Variants in CDH2 observed in about 807,000 individuals in gnomAD.
The protein encoded by CDH2 is cadherin 2.
CDH2 carries 17 observed loss-of-function variants against 92.0 expected under a neutral mutation model. The ratio of observed to expected loss-of-function variants is 0.18; its 90% CI spans 0.13 to 0.28. The LOEUF (loss-of-function observed/expected upper bound fraction) is 0.28. Among genes scored for constraint, CDH2 ranks in the 10% least tolerant of loss-of-function variants. The probability of loss-of-function intolerance (pLI) is 1.00; values close to 1 mark genes in which losing one functional copy is unlikely to be tolerated. For missense variants in CDH2, 862 were observed against 1,133.1 expected (o/e 0.76, Z 3.44); for synonymous variants, 419 against 415.9 (o/e 1.01, Z -0.09).
intron 2 of CDH2, among the ~76,000 whole-genome samples, chr18:28,047,500 CAG>C (rs1385639733): frequency 6.6e-6 from 1 of 152,042 alleles, no homozygotes; most frequent in African/African-American, 2.4e-5. Flanking sequence ...CAGGAAAAAG[CAG>C]AGTGTTCATT....
intron 2 of CDH2, among the ~76,000 whole-genome samples, chr18:28,052,610 A>G (rs1358880060): frequency 6.6e-6 from 1 of 152,236 alleles, no homozygotes; most frequent in Non-Finnish European, 1.5e-5. Context: ...CATCACAAGT[A>G]TCAATATTGG....
intron 11 of CDH2, 59 bp from the exon 12 acceptor site, chr18:27,985,820 T>A: frequency 1.0e-6 from 1 of 984,272 alleles, no homozygotes; most frequent in Non-Finnish European, 1.5e-6. Flanking sequence ...GAGCCTCAAT[T>A]ATGGTGAAAT....
chr18:28,135,087 C>T (rs1017388067), intron 2 of CDH2, among the ~76,000 whole-genome samples: 2 of 152,134 alleles, frequency 1.3e-5, no homozygotes, highest in African/African-American at 2.4e-5. Flanking sequence ...ACTTCAGCTC[C>T]GTGGACTCAG....
In CDH2 at chr18:28,067,666, A is replaced by AT. The variant is rs1443310844; in HGVS notation, c.173-53758dup. 3.3e-5 allele frequency among the ~76,000 whole-genome samples: 5 copies of AT among 152,052 alleles called. No homozygotes were observed. The East Asian group carries it at 9.6e-4, about 29-fold the overall frequency. ...CATTTGGGTTGTTTCCAATTGATTC[A>AT]TTTTTTTAAACAGTATCTCTTATTT... On this transcript the variant is annotated intron_variant, in intron 2 of 15. Transcript: ENST00000269141.
At chr18:27,953,014 C>T (rs1909538900) in intron 15 of CDH2, among the ~76,000 whole-genome samples, 1 of 152,080 alleles carries the variant, frequency 6.6e-6, no homozygotes, top group South Asian at 2.1e-4. Flanking sequence ...GTGATTACTA[C>T]ATAAAGGGAG....
downstream of CDH2, among the ~76,000 whole-genome samples, chr18:27,946,984 A>G (rs1445247800): frequency 6.6e-6 from 1 of 151,884 alleles, no homozygotes; most frequent in East Asian, 1.9e-4. Context: ...ACTAAATGCT[A>G]TGCATAATCG....
At chr18:28,081,983 C>G (rs1350718800) in intron 2 of CDH2, among the ~76,000 whole-genome samples, 1 of 152,262 alleles carries the variant, frequency 6.6e-6, no homozygotes, top group African/African-American at 2.4e-5. Flanking sequence ...AGTGTCAGCT[C>G]TTCAAGTCAC....
At chr18:27,991,506 G>A (rs1464903764) in intron 9 of CDH2, among the ~76,000 whole-genome samples, 1 of 152,160 alleles carries the variant, frequency 6.6e-6, no homozygotes, top group East Asian at 1.9e-4. Context: ...ACCTTCCCCT[G>A]ATGTAACATT....
intron 2 of CDH2, among the ~76,000 whole-genome samples, chr18:28,071,629 G>C (rs1171754009): frequency 6.6e-6 from 1 of 152,082 alleles, no homozygotes; most frequent in Non-Finnish European, 1.5e-5. Flanking sequence ...CAAACCACTG[G>C]CATTCTGACA....
intron 2 of CDH2, among the ~76,000 whole-genome samples, chr18:28,096,130 T>G (rs767657493): frequency 6.6e-6 from 1 of 152,150 alleles, no homozygotes; most frequent in Non-Finnish European, 1.5e-5. Flanking sequence ...TCAATACCAC[T>G]GGGTATGTAA....
intron 1 of CDH2, 21 bp from the exon 2 acceptor site, chr18:28,147,805 A>G: frequency 1.4e-6 from 2 of 1,400,978 alleles, no homozygotes; most frequent in Non-Finnish European, 1.0e-6. Context: ...AGAAAAAAAA[A>G]AAAAATGTGT....
chr18:28,143,977 A>C (rs1214812063), intron 2 of CDH2, among the ~76,000 whole-genome samples: 3 of 151,916 alleles, frequency 2.0e-5, no homozygotes, highest in Non-Finnish European at 4.4e-5. Context: ...GAGGGGAACA[A>C]CACACACCAG....
intron 2 of CDH2, among the ~76,000 whole-genome samples, chr18:28,110,611 C>G (rs1006640859): frequency 1.3e-5 from 2 of 152,054 alleles, no homozygotes; most frequent in African/African-American, 4.8e-5. Context: ...GAAGTGGGAT[C>G]ATGAATATAG....
intron 6 of CDH2, among the ~76,000 whole-genome samples, chr18:27,934,243 C>T (rs566195228): frequency 5.3e-5 from 8 of 152,204 alleles, no homozygotes; most frequent in African/African-American, 1.7e-4. Context: ...CATTTTAGGT[C>T]GTTTATGCTG....
At chr18:28,129,823 A>C (rs750402422) in intron 2 of CDH2, among the ~76,000 whole-genome samples, 1 of 152,192 alleles carries the variant, frequency 6.6e-6, no homozygotes, top group African/African-American at 2.4e-5. Flanking sequence ...AATTAATTAA[A>C]TTTTAAAAAA....
chr18:28,038,770 A>C (rs2013890754), intron 2 of CDH2, among the ~76,000 whole-genome samples: 1 of 152,086 alleles, frequency 6.6e-6, no homozygotes, highest in Non-Finnish European at 1.5e-5. Flanking sequence ...TATTGAATTT[A>C]TTAGTTTCTT....
chr18:28,136,278 C>T (rs1356540248), intron 2 of CDH2, among the ~76,000 whole-genome samples: 1 of 151,946 alleles, frequency 6.6e-6, no homozygotes, highest in African/African-American at 2.4e-5. Flanking sequence ...CCAAAAATGT[C>T]TGTGGTCAGA....
intron 15 of CDH2, among the ~76,000 whole-genome samples, chr18:27,960,525 C>T (rs1450107937): frequency 6.6e-6 from 1 of 152,136 alleles, no homozygotes; most frequent in African/African-American, 2.4e-5. Flanking sequence ...CACAAATGGC[C>T]TCCTATGCCT....
At chr18:28,152,561 C>G in intron 1 of CDH2, among the ~76,000 whole-genome samples, 1 of 152,250 alleles carries the variant, frequency 6.6e-6, no homozygotes, top group East Asian at 1.9e-4. Flanking sequence ...CAGCAAGAAA[C>G]AGCATAGTGC....
Sources: gnomAD v4.1 joint callset for allele counts (sites outside exome capture counted in the v4.1 genomes callset) on GRCh38, gnomAD v4.1.1 for gene constraint, MANE v1.5 for transcripts, NCBI Gene and HGNC (gene_info 2026-07-23, HGNC 2026-07-21) for gene names.